Variants in TEX14 observed in about 807,000 individuals in gnomAD.
The protein encoded by TEX14 is testis expressed 14, intercellular bridge forming factor.
TEX14 carries 168 observed loss-of-function variants against 178.6 expected under a neutral mutation model. The ratio of observed to expected loss-of-function variants is 0.94; its 90% CI spans 0.83 to 1.07. The LOEUF (loss-of-function observed/expected upper bound fraction) is 1.07. Among genes scored for constraint, TEX14 ranks in the 50% least tolerant of loss-of-function variants. TEX14 has a pLI of 0.00. For missense variants in TEX14, 1,730 were observed against 1,753.6 expected, an observed-to-expected ratio of 0.99 and a Z score of 0.24; for synonymous variants, 626 against 634.1, an observed-to-expected ratio of 0.99 and a Z score of 0.19.
chr17:58,631,201 C>T (rs1598401710), intron 2 of TEX14: 1 of 949,024 alleles, frequency 1.1e-6, no homozygotes, highest in Non-Finnish European at 1.3e-6. Context: ...GTGGCTCACG[C>T]CTGTAATGCC....
intron 3 of TEX14, among the ~76,000 whole-genome samples, chr17:58,628,347 G>A (rs551357692): frequency 4.6e-5 from 7 of 152,216 alleles, no homozygotes; most frequent in South Asian, 2.1e-4. Context: ...GGGAGACTGA[G>A]GCGGGCGGAC....
At chr17:58,653,621 C>T (rs955853377) in intron 1 of TEX14, among the ~76,000 whole-genome samples, 6 of 152,056 alleles carry the variant, frequency 3.9e-5, no homozygotes, top group Admixed American at 3.3e-4. Flanking sequence ...GTTTGGGAGA[C>T]GTTTGAGGTC....
In TEX14 at chr17:58,659,287, T is replaced by C. The variant is rs940852710; in HGVS notation, c.-1-7285A>G. On this transcript the variant is annotated intron_variant, in intron 1 of 31. Transcript: ENST00000349033. ...ACTTTATCAGGACCAACAGCGTCTC[T>C]CCCCCGCCACAAAGACATTATTTAC... 5.3e-5 allele frequency: 50 copies of C among 950,548 alleles called. No individual in the cohort carries two copies. In the East Asian group the frequency reaches 6.9e-4, roughly 13 times the overall value. The allele number at this position is 950,548 out of a possible 1,614,324, so 58.9% of individuals were successfully genotyped here.
At chr17:58,633,563 C>G (rs1225493418) in intron 2 of TEX14, among the ~76,000 whole-genome samples, 3 of 152,214 alleles carry the variant, frequency 2.0e-5, no homozygotes, top group African/African-American at 7.2e-5. Flanking sequence ...GGGATGGTGG[C>G]TCACGGCTGT....
intron 1 of TEX14, among the ~76,000 whole-genome samples, chr17:58,678,922 G>A (rs2047441064): frequency 6.6e-6 from 1 of 151,854 alleles, no homozygotes. Context: ...GGGAGGCCGA[G>A]GCAGGTAAAT....
intron 1 of TEX14, among the ~76,000 whole-genome samples, chr17:58,678,818 T>TATAATAGTA: frequency 7.3e-6 from 1 of 137,324 alleles, no homozygotes; most frequent in East Asian, 2.1e-4. Flanking sequence ...GAACTTAAAG[T>TATAATAGTA]ATAATAATAA....
At chr17:58,649,149 G>A (rs545577518) in intron 2 of TEX14, among the ~76,000 whole-genome samples, 1 of 148,164 alleles carries the variant, frequency 6.7e-6, no homozygotes, top group African/African-American at 2.5e-5. Flanking sequence ...GCGCAATCTC[G>A]GCTCACGGCA....
chr17:58,687,104 A>G (rs1471276028), intron 1 of TEX14, among the ~76,000 whole-genome samples: 1 of 151,810 alleles, frequency 6.6e-6, no homozygotes, highest in Non-Finnish European at 1.5e-5. Context: ...ATCAAACACC[A>G]AACTGTTAAT....
chr17:58,613,682 A>G, intron 8 of TEX14, 138 bp from the exon 9 acceptor site: 1 of 964,004 alleles, frequency 1.0e-6, no homozygotes, highest in South Asian at 1.7e-5. Flanking sequence ...TTTTTTTGAC[A>G]CAGAGTCTCA....
At chr17:58,610,098 G>A (rs1370406240) in intron 10 of TEX14, among the ~76,000 whole-genome samples, 1 of 152,186 alleles carries the variant, frequency 6.6e-6, no homozygotes, top group Non-Finnish European at 1.5e-5. Context: ...TCAAAGCTTG[G>A]GGGCTCTCAG....
chr17:58,604,502 T>A (rs961862411), intron 11 of TEX14, among the ~76,000 whole-genome samples: 5 of 150,804 alleles, frequency 3.3e-5, no homozygotes, highest in African/African-American at 1.2e-4. Flanking sequence ...TAAAAATAAA[T>A]TTTTTTAGTG....
At chr17:58,620,330 T>C (rs2045969434) in intron 5 of TEX14, among the ~76,000 whole-genome samples, 1 of 152,042 alleles carries the variant, frequency 6.6e-6, no homozygotes, top group Admixed American at 6.6e-5. Context: ...TTAGTTTTAT[T>C]TGATTACTTT....
chr17:58,615,698 T>C (rs567877757), intron 7 of TEX14, among the ~76,000 whole-genome samples: 4 of 151,920 alleles, frequency 2.6e-5, no homozygotes, highest in Admixed American at 1.3e-4. Context: ...TGGTGAAGAC[T>C]TGGGCAAAGG....
chr17:58,611,299 T>C lies in TEX14; in HGVS notation c.1046A>G (p.His349Arg), dbSNP rs547985490. 26 of 1,613,464 alleles carry C rather than the reference T, an allele frequency of 1.6e-5. No homozygotes were observed. The highest frequency in any genetic ancestry group is 1.7e-4 in the Middle Eastern group (1 of 6,000). Reference protein sequence around the residue: ...FPVLHMEVIVHLLLQISDALR... With the variant: ...FPVLHMEVIVRLLLQISDALR... ...GGCATCAGATATCTGGAGCAGCAGG[T>C]GCACAATCACCTCCATGTGCAGCAC... Residue 349 changes from histidine (H) to arginine (R), a missense_variant, in exon 10 of 32, where the codon CAC becomes CGC. His to Arg is a conservative substitution (Grantham distance 29). Coordinates refer to ENST00000349033, the MANE Select transcript of TEX14 (RefSeq NM_031272.5).
intron 4 of TEX14, among the ~76,000 whole-genome samples, chr17:58,622,410 C>T (rs868784945): frequency 2.0e-4 from 30 of 151,146 alleles, no homozygotes; most frequent in African/African-American, 6.3e-4. Context: ...CGCGCCACTG[C>T]ACTCCAGCCT....
chr17:58,690,942 C>T (rs191740544), intron 1 of TEX14, among the ~76,000 whole-genome samples: 1 of 152,304 alleles, frequency 6.6e-6, no homozygotes, highest in Admixed American at 6.5e-5. Context: ...TCATAGCTCA[C>T]TCCCAGGCTG....
At chr17:58,662,415 TCACACACACA>T (rs200980242) in intron 1 of TEX14, among the ~76,000 whole-genome samples, 25 of 114,994 alleles carry the variant, frequency 2.2e-4, no homozygotes, top group East Asian at 4.2e-4. Context: ...CACACATATC[TCACACACACA>T]CACACACACA....
chr17:58,574,140 C>G (rs1420519247), intron 22 of TEX14, 47 bp downstream of exon 22: 1 of 1,478,198 alleles, frequency 6.8e-7, no homozygotes, highest in Non-Finnish European at 9.5e-7. Flanking sequence ...CCCTTAAAAC[C>G]AAGACTTTAC....
intron 10 of TEX14, among the ~76,000 whole-genome samples, chr17:58,607,745 C>T (rs1226226027): frequency 2.0e-5 from 3 of 152,232 alleles, no homozygotes; most frequent in East Asian, 1.9e-4. Flanking sequence ...CCTTTAGCGT[C>T]CACTGCTCCT....
Sources: gnomAD v4.1 joint callset for allele counts (sites outside exome capture counted in the v4.1 genomes callset) on GRCh38, gnomAD v4.1.1 for gene constraint, MANE v1.5 for transcripts, NCBI Gene and HGNC (gene_info 2026-07-23, HGNC 2026-07-21) for gene names.